The following OR1F1 variants were observed in gnomAD, a reference collection of about 807,000 sequenced individuals.
OR1F1 encodes the protein olfactory receptor family 1 subfamily F member 1, also known as olfactory receptor 1F1.
For synonymous variants in OR1F1, 184 were observed against 156.7 expected (o/e 1.17, Z -1.30); for missense variants, 493 against 376.3 (o/e 1.31, Z -2.57).
the OR1F1 span, among the ~76,000 whole-genome samples, chr16:3,194,967 T>C: frequency 6.6e-6 from 1 of 152,128 alleles, no homozygotes; most frequent in Non-Finnish European, 1.5e-5. Context: ...ACCTCGAGGG[T>C]GGAGTCTTGG....
At chr16:3,196,413 T>TCC in the OR1F1 span, among the ~76,000 whole-genome samples, 14 of 152,168 alleles carry the variant, frequency 9.2e-5, no homozygotes, top group Non-Finnish European at 1.9e-4. Flanking sequence ...AGATGGGGTC[T>TCC]CCCTCTGTTG....
the OR1F1 span, chr16:3,189,789 C>A: frequency 4.6e-5 from 7 of 152,032 alleles, no homozygotes; most frequent in Non-Finnish European, 8.8e-5. Context: ...GACGTGGACG[C>A]CCTGCAAAGG....
the OR1F1 span, chr16:3,189,815 T>C: frequency 0.17 from 26,422 of 152,022 alleles, 2,829 homozygotes; most frequent in Non-Finnish European, 0.24. Flanking sequence ...TGTACAAAGG[T>C]CTCAAGCTAT....
the OR1F1 span, among the ~76,000 whole-genome samples, chr16:3,192,285 C>T: frequency 6.6e-5 from 10 of 151,582 alleles, no homozygotes; most frequent in East Asian, 3.9e-4. Flanking sequence ...CTTGATCTGA[C>T]CTCGTGATCC....
At chr16:3,199,473 T>C (rs531233100), upstream of OR1F1, among the ~76,000 whole-genome samples, 1 of 152,106 alleles carries the variant, frequency 6.6e-6, no homozygotes, top group East Asian at 1.9e-4. Flanking sequence ...GGCAACATAA[T>C]GAGACATCAT....
At chr16:3,205,083 A>G (rs758369803) in exon 1 of OR1F1, 27 of 1,613,952 alleles carry the variant, frequency 1.7e-5, no homozygotes, top group Admixed American at 3.3e-5. Context: ...TGTTGTATAC[A>G]GTAGTGACTC....
At chr16:3,197,271 G>C in the OR1F1 span, among the ~76,000 whole-genome samples, 1 of 151,308 alleles carries the variant, frequency 6.6e-6, no homozygotes, top group East Asian at 1.9e-4. Flanking sequence ...CACCTGCCTC[G>C]GCCTCCCAAA....
chr16:3,203,875 A>T (rs1298112148), upstream of OR1F1, among the ~76,000 whole-genome samples: 1 of 152,220 alleles, frequency 6.6e-6, no homozygotes, highest in Non-Finnish European at 1.5e-5. Context: ...CCAGAAAAAC[A>T]GTCCTGAGCT....
chr16:3,203,576 C>T (rs532882557), upstream of OR1F1, among the ~76,000 whole-genome samples: 9 of 152,228 alleles, frequency 5.9e-5, no homozygotes, highest in East Asian at 3.9e-4. Context: ...CCATCATGGC[C>T]AACATGGTGA....
chr16:3,205,837 C>T (rs992361037), downstream of OR1F1, among the ~76,000 whole-genome samples: 2 of 152,140 alleles, frequency 1.3e-5, no homozygotes, highest in African/African-American at 4.8e-5. Context: ...TGTGATAATT[C>T]TACCTAACTA....
At chr16:3,194,133 GAC>G in the OR1F1 span, among the ~76,000 whole-genome samples, 2 of 152,190 alleles carry the variant, frequency 1.3e-5, no homozygotes, top group African/African-American at 2.4e-5. Flanking sequence ...CATTAAACAA[GAC>G]ACACAATCTC....
chr16:3,190,687 G>T, the OR1F1 span, among the ~76,000 whole-genome samples: 11 of 148,050 alleles, frequency 7.4e-5, no homozygotes, highest in African/African-American at 1.3e-4. Flanking sequence ...GGAGATGGGG[G>T]TTGCAGTGAG....
At chr16:3,193,272 T>C in the OR1F1 span, among the ~76,000 whole-genome samples, 555 of 152,272 alleles carry the variant, frequency 3.6e-3, 2 homozygotes, top group Middle Eastern at 6.8e-3. Context: ...GGACCTGACC[T>C]TTATTAAACA....
At chr16:3,200,748 G>T (rs1467212928), upstream of OR1F1, among the ~76,000 whole-genome samples, 1 of 152,210 alleles carries the variant, frequency 6.6e-6, no homozygotes, top group Non-Finnish European at 1.5e-5. Flanking sequence ...ATTACAAGGT[G>T]AATGCTGAGG....
chr16:3,193,918 G>A, the OR1F1 span, among the ~76,000 whole-genome samples: 2 of 152,144 alleles, frequency 1.3e-5, no homozygotes, highest in Admixed American at 6.6e-5. Context: ...CGTGGTAACT[G>A]CCCCAGTGGC....
chr16:3,199,115 C>CAAAAAAAAA, the OR1F1 span, among the ~76,000 whole-genome samples: 16 of 52,578 alleles, frequency 3.0e-4, 1 homozygote, highest in East Asian at 1.9e-3. Flanking sequence ...CCTGTCTCTA[C>CAAAAAAAAA]AAAAAAAAAA....
exon 1 of OR1F1, chr16:3,204,426 C>T: frequency 6.2e-7 from 1 of 1,614,164 alleles, no homozygotes; most frequent in Non-Finnish European, 8.5e-7. Context: ...CCCCCATGTA[C>T]TTCTTCCTCA....
At chr16:3,204,643 A>G in exon 1 of OR1F1, 1 of 1,614,052 alleles carries the variant, frequency 6.2e-7, no homozygotes, top group South Asian at 1.1e-5. Flanking sequence ...CTTACATTAC[A>G]CAGCAAAGAT....
At chr16:3,205,112 T>C (rs1324498343) in exon 1 of OR1F1, 10 of 1,613,934 alleles carry the variant, frequency 6.2e-6, no homozygotes, top group Non-Finnish European at 7.6e-6. Context: ...AACCCTTTCA[T>C]CTACAGCCTG....
Sources: allele counts gnomAD v4.1 joint callset (sites outside exome capture counted in the v4.1 genomes callset), GRCh38; gene constraint gnomAD v4.1.1; transcripts MANE v1.5; gene names NCBI Gene and HGNC (gene_info 2026-07-23, HGNC 2026-07-21).